SSH2: variants seen among roughly 807,000 people sequenced by gnomAD.
The protein encoded by SSH2 is protein phosphatase Slingshot homolog 2.
In SSH2, 37 loss-of-function variants were observed where a neutral mutation model predicts 135.2. That is an observed-to-expected ratio of 0.27 (90% confidence interval 0.21 to 0.36). The LOEUF (loss-of-function observed/expected upper bound fraction) is 0.36. Ranked by LOEUF, SSH2 falls within the 10% of genes least tolerant of loss-of-function variation. The probability of loss-of-function intolerance (pLI) is 1.00; values close to 1 mark genes in which losing one functional copy is unlikely to be tolerated. For missense variants in SSH2, 1,408 were observed against 1,765.3 expected (o/e 0.80, Z 3.63); for synonymous variants, 628 against 646.2 (o/e 0.97, Z 0.43).
chr17:29,779,441 C>A (rs939843979), intron 3 of SSH2, among the ~76,000 whole-genome samples: 6 of 152,064 alleles, frequency 3.9e-5, no homozygotes, highest in African/African-American at 9.7e-5. Context: ...CTGGTGGCCA[C>A]CCCCCAAACA....
intron 1 of SSH2, among the ~76,000 whole-genome samples, chr17:29,900,483 C>G (rs2066530143): frequency 6.6e-6 from 1 of 152,202 alleles, no homozygotes. Context: ...TGAACAGATA[C>G]TTCTCAAAAG....
At chr17:29,656,837 C>T (rs2036801229) in intron 11 of SSH2, among the ~76,000 whole-genome samples, 1 of 152,102 alleles carries the variant, frequency 6.6e-6, no homozygotes, top group Non-Finnish European at 1.5e-5. Context: ...TATGATCATA[C>T]CAAAGAAATG....
intron 5 of SSH2, 100 bp from the exon 6 acceptor site, chr17:29,684,784 G>C: frequency 4.5e-6 from 5 of 1,115,092 alleles, no homozygotes; most frequent in Non-Finnish European, 6.3e-6. Context: ...TACTCACGAA[G>C]GCAGCAGAGC....
chr17:29,631,595 T>C lies in SSH2; in HGVS notation c.3599A>G (p.Glu1200Gly). The change falls in exon 16 of 16, where the codon GAG (glutamate) becomes GGG (glycine). Residue 1200 changes from glutamate to glycine, a missense_variant. By Grantham distance (98) the Glu-to-Gly change is moderately conservative. Transcript: ENST00000540801. ...TAGCTGGGAGTCCTTATATGGCACC[T>C]CACTGCCACTGGAGAGAGGGCTCTC... ...SQESPLSSGSEVPYKDSQLSS... is the reference protein window; with the variant it reads ...SQESPLSSGSGVPYKDSQLSS... The C allele has an allele frequency of 6.2e-7, 1 of 1,614,176 alleles. No individual in the cohort carries two copies. The highest frequency in any genetic ancestry group is 8.5e-7 in the Non-Finnish European group (1 of 1,180,038).
intron 1 of SSH2, among the ~76,000 whole-genome samples, chr17:29,885,519 A>C (rs935126649): frequency 6.6e-5 from 10 of 152,116 alleles, no homozygotes; most frequent in Non-Finnish European, 1.5e-4. Flanking sequence ...TAGTCACCAG[A>C]AACACCAATC....
At chr17:29,919,644 T>C (rs1216216523) in intron 1 of SSH2, among the ~76,000 whole-genome samples, 1 of 152,014 alleles carries the variant, frequency 6.6e-6, no homozygotes, top group Non-Finnish European at 1.5e-5. Flanking sequence ...ACATCCAGCC[T>C]CTGGCATATT....
chr17:29,681,331 CAAAAA>C (rs764461213), intron 6 of SSH2, among the ~76,000 whole-genome samples: 1 of 14,336 alleles, frequency 7.0e-5, no homozygotes, highest in African/African-American at 3.0e-4. Flanking sequence ...GAGACTGTCT[CAAAAA>C]AAAAAAAAAA....
chr17:29,792,659 A>G (rs925141619), intron 3 of SSH2, among the ~76,000 whole-genome samples: 4 of 152,160 alleles, frequency 2.6e-5, no homozygotes, highest in African/African-American at 9.7e-5. Flanking sequence ...TAATAATAAT[A>G]ATAATTTTTA....
At position 29,636,404 on chromosome 17, in the gene SSH2, A is replaced by G. The variant is rs1190264404; in HGVS notation, c.1826T>C (p.Val609Ala). 4.3e-6 allele frequency: 7 copies of G among 1,614,098 alleles called. No individual in the cohort carries two copies. The Admixed American group carries it at 1.0e-4, about 23-fold the overall frequency. Residue 609 changes from valine (V) to alanine (A), a missense_variant, in exon 15 of 16, where the codon GTC becomes GCC. Around this residue, in one of 3 missense-constraint regions of SSH2, gnomAD observed 1,080 missense variants for 1,144.5 expected, o/e 0.94. Coordinates refer to ENST00000540801, the MANE Select transcript of SSH2 (RefSeq NM_001282129.2). ...ASKALIQPGH[V>A]PEMANKFPDL... The stretch of plus-strand genomic sequence containing the variant: ...TGGAAACTTGTTGGCCATTTCTGGG[A>G]CATGTCCAGGCTGAATTAAGGCTTT...
intron 10 of SSH2, 26 bp from the exon 11 acceptor site, chr17:29,667,021 C>G (rs2037306242): frequency 6.2e-7 from 1 of 1,613,786 alleles, no homozygotes; most frequent in East Asian, 2.2e-5. Flanking sequence ...TATATTGGAC[C>G]CATCTCTTAA....
intron 2 of SSH2, among the ~76,000 whole-genome samples, chr17:29,828,810 AC>A (rs1408339252): frequency 6.6e-6 from 1 of 152,214 alleles, no homozygotes; most frequent in Admixed American, 6.5e-5. Context: ...ATTGTGGGAA[AC>A]AAAGACACAC....
At chr17:29,804,843 CTTTTTTTTT>C (rs531310094) in intron 2 of SSH2, among the ~76,000 whole-genome samples, 3 of 99,000 alleles carry the variant, frequency 3.0e-5, no homozygotes, top group African/African-American at 8.5e-5. Flanking sequence ...CCACATCTGG[CTTTTTTTTT>C]TTTTTTTTTT....
At chr17:29,844,637 G>A (rs1454529567) in intron 2 of SSH2, among the ~76,000 whole-genome samples, 1 of 152,174 alleles carries the variant, frequency 6.6e-6, no homozygotes, top group Admixed American at 6.6e-5. Context: ...CTTTCTCTGT[G>A]ACTTCTTCCA....
chr17:29,907,014 T>C (rs1157284671), intron 1 of SSH2, among the ~76,000 whole-genome samples: 4 of 152,220 alleles, frequency 2.6e-5, no homozygotes, highest in South Asian at 2.1e-4. Flanking sequence ...ATTACTGGTA[T>C]ATACCCAGAG....
chr17:29,778,662 A>AAATT (rs67717068), intron 3 of SSH2, among the ~76,000 whole-genome samples: 1 of 47,542 alleles, frequency 2.1e-5, no homozygotes, highest in East Asian at 4.1e-4. Context: ...AAATAAATAA[A>AAATT]AATAAATAAA....
intron 1 of SSH2, among the ~76,000 whole-genome samples, chr17:29,871,587 G>C (rs1280059330): frequency 2.6e-5 from 4 of 152,178 alleles, no homozygotes; most frequent in Non-Finnish European, 4.4e-5. Flanking sequence ...TGATTCATTT[G>C]ATTTTTTAAA....
intron 2 of SSH2, among the ~76,000 whole-genome samples, chr17:29,802,508 C>T (rs2042266743): frequency 6.7e-6 from 1 of 149,826 alleles, no homozygotes; most frequent in African/African-American, 2.5e-5. Context: ...ATTGGCCAGG[C>T]ATGGTGGCTC....
intron 5 of SSH2, among the ~76,000 whole-genome samples, chr17:29,684,971 A>T (rs989136140): frequency 2.0e-5 from 3 of 152,238 alleles, no homozygotes; most frequent in African/African-American, 7.2e-5. Context: ...ATGCTCAATA[A>T]GATGTTTGTT....
intron 12 of SSH2, among the ~76,000 whole-genome samples, chr17:29,654,256 A>G (rs1330232531): frequency 6.6e-6 from 1 of 152,176 alleles, no homozygotes; most frequent in Non-Finnish European, 1.5e-5. Context: ...CAAGACTAAG[A>G]TACAGTCTCT....
Sources: allele counts gnomAD v4.1 joint callset (sites outside exome capture counted in the v4.1 genomes callset), GRCh38; gene constraint gnomAD v4.1.1; regional missense constraint gnomAD v4.1.1; transcripts MANE v1.5; gene names NCBI Gene and HGNC (gene_info 2026-07-23, HGNC 2026-07-21).